TAX1BP3: variants seen among roughly 807,000 people sequenced by gnomAD.
TAX1BP3 encodes the protein Tax1 binding protein 3, also known as tax1-binding protein 3.
Under a neutral mutation model 15.3 loss-of-function variants are expected in TAX1BP3, and 13 were observed. That is an observed-to-expected ratio of 0.85 (90% CI 0.55 to 1.35). TAX1BP3 has a LOEUF of 1.35. TAX1BP3 is among the 40% of genes most tolerant of loss of function. The probability of loss-of-function intolerance (pLI) is 0.00; values close to 1 mark genes in which losing one functional copy is unlikely to be tolerated. For missense variants in TAX1BP3, 147 were observed against 169.6 expected, an observed-to-expected ratio of 0.87 and a Z score of 0.74; for synonymous variants, 70 against 66.0, an observed-to-expected ratio of 1.06 and a Z score of -0.30.
intron 1 of TAX1BP3, chr17:3,665,397 A>C: frequency 6.9e-7 from 1 of 1,450,932 alleles, no homozygotes; most frequent in Admixed American, 1.7e-5. Context: ...TTACCATGGC[A>C]AAACTGGAAG....
At position 3,666,993 on chromosome 17, in the gene TAX1BP3, C is replaced by A. The variant is rs919221149; in HGVS notation, c.39+1495G>T. ...GTAGCTCCTCACCTGTCCCTGCCCC[C>A]CTTCTACCTAAAGAGCAAACCTGGT... is the stretch of plus-strand genomic sequence containing the variant. On this transcript the variant is annotated intron_variant, in intron 1 of 3. Transcript: ENST00000225525. Among the ~76,000 whole-genome samples the A allele has an allele frequency of 3.3e-5, 5 of 152,130 alleles. No homozygotes were observed. In the East Asian group the frequency reaches 9.6e-4, roughly 29 times the overall value.
At chr17:3,664,647 T>C (rs375834497) in intron 2 of TAX1BP3, 32 bp downstream of exon 2, 5 of 1,612,846 alleles carry the variant, frequency 3.1e-6, no homozygotes, top group Non-Finnish European at 4.2e-6. Context: ...CTGTGCCCCA[T>C]GGAGCGGTCC....
chr17:3,663,719 C>A lies in TAX1BP3; in HGVS notation c.*29G>T. ...GTGGCGTTACTGTACAGAGAGGCGG[C>A]AGGCAGGAGTCGCAGATGGTGGTGG... On this transcript the variant is annotated 3_prime_UTR_variant, in exon 4 of 4. Coordinates refer to ENST00000225525, the MANE Select transcript of TAX1BP3 (RefSeq NM_014604.4). 1 of 1,588,408 alleles carries A rather than the reference C, an allele frequency of 6.3e-7. No homozygotes were observed.
intron 2 of TAX1BP3, 57 bp downstream of exon 2, chr17:3,664,622 C>A: frequency 2.5e-6 from 4 of 1,603,222 alleles, no homozygotes; most frequent in Non-Finnish European, 3.4e-6. Flanking sequence ...AGCAGAGACC[C>A]ACCATCTCAG....
chr17:3,665,401 C>G (rs2076329098), intron 1 of TAX1BP3: 2 of 1,467,720 alleles, frequency 1.4e-6, no homozygotes, highest in Admixed American at 1.7e-5. Flanking sequence ...CATGGCAAAA[C>G]TGGAAGAGTC....
rs1278140645 is a variant in TAX1BP3 at position 3,668,139 on chromosome 17, C to A, written c.39+349G>T. 1.3e-5 allele frequency among the ~76,000 whole-genome samples: 2 copies of A among 152,242 alleles called. No homozygotes were observed. Among genetic ancestry groups the A allele is most frequent in the African/African-American group, 4.8e-5 (2 of 41,476 alleles). ...TCCAGAGGCTGCGACTCATGGACGTCGGGATCGGCGCCCGCCCCCAGCAGC... is the reference window on the plus strand; with the variant it reads ...TCCAGAGGCTGCGACTCATGGACGTAGGGATCGGCGCCCGCCCCCAGCAGC... On this transcript the variant is annotated intron_variant, in intron 1 of 3. Coordinates refer to ENST00000225525, the MANE Select transcript of TAX1BP3 (RefSeq NM_014604.4). This position sits in a 1 kb window ranked among gnomAD's most constrained non-coding sequence, Gnocchi z 4.1.
Position 3,664,200 on chromosome 17 carries a change from T to C in TAX1BP3, c.232A>G (p.Met78Val). ...IAGLQIGDKI[M>V]QVNGWDMTMV... is the part of the protein sequence containing the mutation. ...TCCTTTGGGACACCTGTTACCTGCA[T>C]GATCTTGTCTCCAATCTGCAGCCCA... Residue 78 changes from methionine (M) to valine (V), a missense_variant, in exon 3 of 4, where the codon ATG (methionine) becomes GTG (valine). Coordinates refer to ENST00000225525, the MANE Select transcript of TAX1BP3 (RefSeq NM_014604.4). 2 of 1,614,148 alleles carry C rather than the reference T, an allele frequency of 1.2e-6. No individual in the cohort carries two copies. The highest frequency in any genetic ancestry group is 1.7e-6 in the Non-Finnish European group (2 of 1,180,030).
intron 1 of TAX1BP3, chr17:3,665,485 T>C: frequency 7.3e-7 from 1 of 1,374,016 alleles, no homozygotes; most frequent in Non-Finnish European, 1.0e-6. Context: ...GCCAAGAGAA[T>C]TAATGTGCGT....
rs934240763 is a variant in TAX1BP3, at chr17:3,668,172, C to A, written c.39+316G>T. Among the ~76,000 whole-genome samples the A allele has an allele frequency of 1.3e-5, 2 of 152,174 alleles. No individual in the cohort carries two copies. The highest frequency in any genetic ancestry group is 2.9e-5 in the Non-Finnish European group (2 of 68,016). On this transcript the variant is annotated intron_variant, in intron 1 of 3. Coordinates refer to ENST00000225525, the MANE Select transcript of TAX1BP3 (RefSeq NM_014604.4). The surrounding 1 kb of genome is among the most constrained non-coding windows in gnomAD (Gnocchi z 4.1). ...GCGCCCGCCCCCAGCAGCTCCCCGT[C>A]TGGGGACACGGAGGCCCGGGAAGGG...
intron 1 of TAX1BP3, chr17:3,665,762 A>G (rs1022653842): frequency 3.1e-5 from 19 of 613,612 alleles, no homozygotes; most frequent in South Asian, 2.2e-4. Context: ...AAAAAAAAAA[A>G]AAAGAAAGGA....
In TAX1BP3 at chr17:3,668,410, C is replaced by T. The variant is rs1218573969; in HGVS notation, c.39+78G>A. ...GCCCCGGGTTCGATGCTCTGTCAACCTGCTTGGGGTGTCCGTTTCCCGCTC... is the reference window on the plus strand; with the variant it reads ...GCCCCGGGTTCGATGCTCTGTCAACTTGCTTGGGGTGTCCGTTTCCCGCTC... On this transcript the variant is annotated intron_variant, in intron 1 of 3. Coordinates refer to ENST00000225525, the MANE Select transcript of TAX1BP3 (RefSeq NM_014604.4). This position sits in a 1 kb window ranked among gnomAD's most constrained non-coding sequence, Gnocchi z 4.1. 1.9e-6 allele frequency: 3 copies of T among 1,545,400 alleles called. No individual in the cohort carries two copies. Among genetic ancestry groups the T allele is most frequent in the Non-Finnish European group, 2.6e-6 (3 of 1,141,162 alleles).
chr17:3,665,931 T>C (rs934878183), intron 1 of TAX1BP3, among the ~76,000 whole-genome samples: 11 of 151,916 alleles, frequency 7.2e-5, no homozygotes, highest in African/African-American at 2.2e-4. Context: ...GGAGCAGGGG[T>C]GTCTCCCTAA....
chr17:3,663,393 C>A lies in TAX1BP3; in HGVS notation c.*355G>T, dbSNP rs913625386. On this transcript the variant is annotated 3_prime_UTR_variant, in exon 4 of 4. Coordinates refer to ENST00000225525, the MANE Select transcript of TAX1BP3 (RefSeq NM_014604.4). ...GGCAAAAGCGGGAAAGGCCTGGTTCCTCCAGCATTTCCCAGCTTTTGGGGG... is the reference window on the plus strand; with the variant it reads ...GGCAAAAGCGGGAAAGGCCTGGTTCATCCAGCATTTCCCAGCTTTTGGGGG... 99 of 210,168 alleles carry A rather than the reference C, an allele frequency of 4.7e-4. No individual in the cohort carries two copies. The highest frequency in any genetic ancestry group is 2.1e-3 in the African/African-American group (93 of 43,770). 13.0% of individuals were successfully genotyped at this position (210,168 alleles called of 1,614,324 possible).
chr17:3,664,537 C>T (rs756353126), intron 2 of TAX1BP3, 142 bp downstream of exon 2: 1 of 1,242,128 alleles, frequency 8.1e-7, no homozygotes, highest in Non-Finnish European at 1.2e-6. Flanking sequence ...CTTATTCTCA[C>T]TAGGTCACTT....
chr17:3,664,419 G>T, intron 2 of TAX1BP3, 147 bp from the exon 3 acceptor site: 2 of 1,062,094 alleles, frequency 1.9e-6, no homozygotes, highest in Non-Finnish European at 1.4e-6. Context: ...GGACTGTTCT[G>T]AGAGAGCCGG....
chr17:3,665,830 G>C, intron 1 of TAX1BP3: 1 of 617,974 alleles, frequency 1.6e-6, no homozygotes, highest in Non-Finnish European at 2.8e-6. Flanking sequence ...ATACGTGTTC[G>C]TGAGACTGGA....
chr17:3,665,625 A>G, intron 1 of TAX1BP3: 1 of 1,190,734 alleles, frequency 8.4e-7, no homozygotes. Flanking sequence ...TGCTCCACCC[A>G]GGGAAGCACA....
chr17:3,664,718 A>G lies in TAX1BP3; in HGVS notation c.120T>C (p.Asp40=), dbSNP rs8278. ...GFSIGGGIDQ[D]PSQNPFSEDK... ...CTTCAGAGAAGGGATTCTGGGAAGG[A>G]TCCTGGTCGATTCCACCTCCAATGC... Residue 40 remains aspartate (D), a synonymous_variant, in exon 2 of 4, where the codon GAT becomes GAC. Transcript: ENST00000225525. 1,403,361 of 1,613,640 alleles carry G rather than the reference A, an allele frequency of 0.87. 612,156 individuals are homozygous for G. Among genetic ancestry groups the G allele is most frequent in the Non-Finnish European group, 0.89 (1,049,325 of 1,179,904 alleles).
At chr17:3,667,298 G>A (rs533885879) in intron 1 of TAX1BP3, among the ~76,000 whole-genome samples, 3 of 149,466 alleles carry the variant, frequency 2.0e-5, no homozygotes, top group Non-Finnish European at 3.0e-5. Flanking sequence ...AACCGAGATC[G>A]CGCCACTGTA....
Sources: gnomAD v4.1 joint callset for allele counts (sites outside exome capture counted in the v4.1 genomes callset) on GRCh38, gnomAD v4.1.1 for gene constraint, Gnocchi (gnomAD v3.1) non-coding constraint, MANE v1.5 for transcripts, NCBI Gene and HGNC (gene_info 2026-07-23, HGNC 2026-07-21) for gene names.